The following AKR1C3 variants were observed in gnomAD, a reference collection of about 807,000 sequenced individuals.
AKR1C3 encodes aldo-keto reductase family 1 member C3, also known as 3-alpha hydroxysteroid dehydrogenase, type II.
AKR1C3 carries 48 observed loss-of-function variants against 43.6 expected under a neutral mutation model. The observed-to-expected ratio is 1.10, with a 90% confidence interval of 0.87 to 1.40. The LOEUF is 1.40. Ranked by LOEUF, AKR1C3 falls within the 40% of genes most tolerant of loss-of-function variation. AKR1C3 has a pLI of 0.00. For missense variants in AKR1C3, 482 were observed against 391.2 expected (o/e 1.23, Z -1.96); for synonymous variants, 162 against 139.6 (o/e 1.16, Z -1.13).
intron 1 of AKR1C3, among the ~76,000 whole-genome samples, chr10:5,062,704 A>T (rs1838403916): frequency 6.6e-6 from 1 of 152,170 alleles, no homozygotes; most frequent in African/African-American, 2.4e-5. Flanking sequence ...CTAAGAAAAA[A>T]TTTTAAATGT....
Position 5,084,593 on chromosome 10 carries a change from G to GT in AKR1C3, c.85-11811dup, listed in dbSNP as rs566474613. Among the ~76,000 whole-genome samples, 625 of 152,252 alleles carry GT rather than the reference G, an allele frequency of 4.1e-3. 12 individuals carry two copies. Among genetic ancestry groups the GT allele is most frequent in the African/African-American group, 0.014 (594 of 41,554 alleles). On this transcript the variant is annotated intron_variant, in intron 1 of 8. Transcript: ENST00000439082. ...TGGGTTCCATATGAACTTTAAAGTAGTTTTTTCCAATTCTGTGAAGAAAGT... is the reference window on the plus strand; with the variant it reads ...TGGGTTCCATATGAACTTTAAAGTAGTTTTTTTCCAATTCTGTGAAGAAAGT...
At position 5,069,545 on chromosome 10, in the gene AKR1C3, TCCTTATAACCTAAAACTTAA is replaced by T. The variant is rs562923040; in HGVS notation, c.84+20651_84+20670del. ...AATTATGTGTTAACTAGAATTCTTATCCTTATAACCTAAAACTTAAGCGAAACCCTAAAAAGCAAGAATTC... is the reference window on the plus strand; with the variant it reads ...AATTATGTGTTAACTAGAATTCTTATGCGAAACCCTAAAAAGCAAGAATTC... On this transcript the variant is annotated intron_variant, in intron 1 of 8. Coordinates refer to the AKR1C3 transcript ENST00000439082. Among the ~76,000 whole-genome samples, 822 of 152,306 alleles carry T rather than the reference TCCTTATAACCTAAAACTTAA, an allele frequency of 5.4e-3. 8 individuals are homozygous for T. Among genetic ancestry groups the T allele is most frequent in the African/African-American group, 0.019 (777 of 41,560 alleles).
rs1394174157 is a variant in AKR1C3 at position 5,075,298 on chromosome 10, T to A, written c.85-21112T>A. Among the ~76,000 whole-genome samples, 5 of 152,112 alleles carry A rather than the reference T, an allele frequency of 3.3e-5. No individual in the cohort carries two copies. In the East Asian group the frequency reaches 9.6e-4, roughly 29 times the overall value. ...GTGCCTTTTCTCTTTCTAATCTGCC[T>A]TTTGTTAGGTGAATTTTTAGTGAAC... On this transcript the variant is annotated intron_variant, in intron 1 of 8. Transcript: ENST00000439082.
chr10:5,060,239 G>A (rs1347204867), intron 1 of AKR1C3, among the ~76,000 whole-genome samples: 1 of 152,174 alleles, frequency 6.6e-6, no homozygotes, highest in Non-Finnish European at 1.5e-5. Context: ...TGTGGAAGGG[G>A]ACCCGAACAG....
chr10:5,084,601 C>A (rs1554782738), intron 1 of AKR1C3, among the ~76,000 whole-genome samples: 2 of 152,026 alleles, frequency 1.3e-5, no homozygotes, highest in Non-Finnish European at 2.9e-5. Context: ...TAGTTTTTTC[C>A]AATTCTGTGA....
At chr10:5,091,918 T>C (rs1564366471), upstream of AKR1C3, among the ~76,000 whole-genome samples, 1 of 152,156 alleles carries the variant, frequency 6.6e-6, no homozygotes. Flanking sequence ...GGTTTCAGGT[T>C]ACTGTCTAAA....
At chr10:5,073,956 T>C (rs11252918) in intron 1 of AKR1C3, among the ~76,000 whole-genome samples, 25,793 of 152,078 alleles carry the variant, frequency 0.17, 2,762 homozygotes, top group Non-Finnish European at 0.23. Context: ...AGCTGGGAAC[T>C]GCTCAGCACA....
intron 1 of AKR1C3, among the ~76,000 whole-genome samples, chr10:5,060,063 G>T (rs1838350648): frequency 6.6e-6 from 1 of 152,122 alleles, no homozygotes; most frequent in Admixed American, 6.5e-5. Context: ...TCTTAAGGTG[G>T]AACGTCTGGA....
chr10:5,073,970 T>C (rs1242158250), intron 1 of AKR1C3, among the ~76,000 whole-genome samples: 1 of 152,052 alleles, frequency 6.6e-6, no homozygotes, highest in Non-Finnish European at 1.5e-5. Context: ...CAGCACAAAC[T>C]TGCCCCCCAT....
At chr10:5,097,658 C>A in intron 3 of AKR1C3, 108 bp downstream of exon 3, 1 of 1,586,268 alleles carries the variant, frequency 6.3e-7, no homozygotes, top group Non-Finnish European at 8.6e-7. Context: ...GGGATTATCA[C>A]ACAGAAGAAG....
intron 8 of AKR1C3, 38 bp downstream of exon 8, chr10:5,105,715 C>T (rs2131854072): frequency 1.3e-6 from 2 of 1,538,970 alleles, no homozygotes; most frequent in Non-Finnish European, 1.8e-6. Flanking sequence ...TAATTTATTT[C>T]TGGAGAAGGA....
intron 1 of AKR1C3, among the ~76,000 whole-genome samples, chr10:5,057,889 A>G (rs1424104021): frequency 1.3e-5 from 2 of 152,220 alleles, no homozygotes; most frequent in Non-Finnish European, 2.9e-5. Flanking sequence ...GTAGCATGAC[A>G]TCTCTCCAAG....
intron 3 of AKR1C3, 74 bp downstream of exon 3, chr10:5,097,624 AG>A: frequency 6.2e-7 from 1 of 1,605,256 alleles, no homozygotes; most frequent in Admixed American, 1.7e-5. Flanking sequence ...ATAGTTGAAC[AG>A]AGCTTTTTAT....
chr10:5,049,563 G>A (rs1838110151), intron 1 of AKR1C3, among the ~76,000 whole-genome samples: 1 of 152,206 alleles, frequency 6.6e-6, no homozygotes. Context: ...CAAAATGATA[G>A]GAGTGGTCCT....
chr10:5,051,488 T>G (rs1838152843), intron 1 of AKR1C3, among the ~76,000 whole-genome samples: 1 of 152,214 alleles, frequency 6.6e-6, no homozygotes, highest in South Asian at 2.1e-4. Context: ...AGTCATGCTC[T>G]CAAAAAATGC....
At chr10:5,059,685 GA>G (rs1418747702) in intron 1 of AKR1C3, among the ~76,000 whole-genome samples, 2 of 152,158 alleles carry the variant, frequency 1.3e-5, no homozygotes, top group Non-Finnish European at 2.9e-5. Context: ...AAATTCTAAG[GA>G]AAAGTAGGAC....
At chr10:5,102,237 T>A (rs1241657326) in intron 6 of AKR1C3, 27 bp downstream of exon 6, 1 of 1,599,668 alleles carries the variant, frequency 6.3e-7, no homozygotes, top group Non-Finnish European at 8.6e-7. Flanking sequence ...GACCTTTACA[T>A]AAACCTTCAT....
intron 1 of AKR1C3, among the ~76,000 whole-genome samples, chr10:5,076,553 T>C (rs1289554123): frequency 6.6e-6 from 1 of 152,236 alleles, no homozygotes; most frequent in Admixed American, 6.5e-5. Flanking sequence ...GTTCAGCTTT[T>C]CCTTGATCCG....
chr10:5,095,083 C>T (rs1839177096), intron 1 of AKR1C3, among the ~76,000 whole-genome samples: 1 of 152,016 alleles, frequency 6.6e-6, no homozygotes, highest in South Asian at 2.1e-4. Flanking sequence ...AAAAATACCA[C>T]CTCATTTTAA....
Sources: gnomAD v4.1 joint callset for allele counts (sites outside exome capture counted in the v4.1 genomes callset) on GRCh38, gnomAD v4.1.1 for gene constraint, MANE v1.5 for transcripts, NCBI Gene and HGNC (gene_info 2026-07-23, HGNC 2026-07-21) for gene names.